Variants in NLRP5 observed in about 807,000 individuals in gnomAD.
The protein encoded by NLRP5 is NACHT, LRR and PYD domains-containing protein 5.
NLRP5 carries 93 observed loss-of-function variants against 113.1 expected under a neutral mutation model. The observed-to-expected ratio is 0.82, with a 90% CI of 0.70 to 0.98. The LOEUF is 0.98. Ranked by LOEUF, NLRP5 falls within the 50% of genes least tolerant of loss-of-function variation. The pLI is 0.00. For synonymous variants in NLRP5, 751 were observed against 600.7 expected, an observed-to-expected ratio of 1.25 and a Z score of -3.66; for missense variants, 1,808 against 1,514.3, an observed-to-expected ratio of 1.19 and a Z score of -3.22.
At chr19:56,055,737 G>T (rs1054778092) in intron 13 of NLRP5, among the ~76,000 whole-genome samples, 4 of 151,020 alleles carry the variant, frequency 2.6e-5, no homozygotes, top group Non-Finnish European at 5.9e-5. Flanking sequence ...AGTAGAGACG[G>T]GGTTTCACCG....
chr19:56,029,289 CAG>C (rs551901977), intron 7 of NLRP5, among the ~76,000 whole-genome samples: 47 of 152,016 alleles, frequency 3.1e-4, no homozygotes, highest in Non-Finnish European at 5.0e-4. Context: ...TTTTTTGAGA[CAG>C]AGTCTCACTG....
chr19:56,050,533 G>A lies in NLRP5; in HGVS notation c.3073G>A (p.Val1025Met), dbSNP rs373064581. 35 of 1,613,854 alleles carry A rather than the reference G, an allele frequency of 2.2e-5. No individual in the cohort carries two copies. The highest frequency in any genetic ancestry group is 5.5e-5 in the South Asian group (5 of 91,080). Residue 1025 changes from valine to methionine, a missense_variant, in exon 12 of 15, where the codon GTG becomes ATG. Physicochemically the swap from Val to Met is conservative, Grantham distance 21 (BLOSUM62 1). Transcript: ENST00000390649. ...CATGAACCCTGTGGAAGACAATGGCGTGAAGCTTCTGTGCGAGGTCATGAG... is the reference window on the plus strand; with the variant it reads ...CATGAACCCTGTGGAAGACAATGGCATGAAGCTTCTGTGCGAGGTCATGAG...
rs553381250 is a variant in NLRP5 at position 56,026,984 on chromosome 19, C to T, written c.751C>T (p.Arg251Cys). The change falls in exon 7 of 15, where the codon CGT becomes TGT. Residue 251 changes from arginine (R) to cysteine (C), a missense_variant. Coordinates refer to ENST00000390649, the MANE Select transcript of NLRP5 (RefSeq NM_153447.4). ...ATTCGCTGAGGAGGAGGATGTACGT[C>T]GTAGTTTTGAAAACACTGCTGCTGA... is the stretch of plus-strand genomic sequence containing the variant. The T allele has an allele frequency of 6.8e-5, 105 of 1,551,732 alleles. No homozygotes were observed. Among genetic ancestry groups the T allele is most frequent in the South Asian group, 6.2e-4 (52 of 84,058 alleles).
At chr19:56,007,680 A>G (rs1037488326) in intron 2 of NLRP5, among the ~76,000 whole-genome samples, 5 of 151,340 alleles carry the variant, frequency 3.3e-5, no homozygotes, top group African/African-American at 4.9e-5. Context: ...GGTAATAGAA[A>G]TCATCAAACT....
At chr19:56,049,316 A>AT (rs1373493346) in intron 11 of NLRP5, among the ~76,000 whole-genome samples, 1 of 151,948 alleles carries the variant, frequency 6.6e-6, no homozygotes, top group African/African-American at 2.4e-5. Flanking sequence ...AGCAGCTGGG[A>AT]TTACAGGCAT....
At chr19:56,023,349 G>T (rs1004533101) in intron 6 of NLRP5, among the ~76,000 whole-genome samples, 2 of 152,164 alleles carry the variant, frequency 1.3e-5, no homozygotes, top group African/African-American at 4.8e-5. Context: ...CTTAAGGTGT[G>T]CTTCCCGTGG....
At chr19:56,003,606 C>A in intron 1 of NLRP5, 130 bp from the exon 2 acceptor site, 1 of 1,109,156 alleles carries the variant, frequency 9.0e-7, no homozygotes, top group Non-Finnish European at 1.3e-6. Context: ...GATATTGTGG[C>A]AACAAATGCT....
chr19:56,032,797 C>T lies in NLRP5; in HGVS notation c.2447+16C>T, dbSNP rs1983173176. On this transcript the variant is annotated intron_variant, in intron 8 of 14. Transcript: ENST00000390649. The stretch of plus-strand genomic sequence containing the variant: ...AGACCCTGATGTAAGGCTGCCCGCC[C>T]CCTACGAGAGAATCCCTTCCCATGA... The T allele has an allele frequency of 2.5e-6, 4 of 1,591,970 alleles. No individual in the cohort carries two copies. Among genetic ancestry groups the T allele is most frequent in the African/African-American group, 2.7e-5 (2 of 74,636 alleles).
At chr19:55,993,853 TTG>T in the NLRP5 span, among the ~76,000 whole-genome samples, 459 of 151,558 alleles carry the variant, frequency 3.0e-3, 2 homozygotes, top group African/African-American at 0.011. Context: ...ACATGTTCCC[TTG>T]TGTGTGTATA....
rs1193158622 is a variant in NLRP5 at position 56,003,905 on chromosome 19, AAAG to A, written c.258_260del (p.Lys87del). Reference sequence around the variant, plus strand: ...AATTTCAGACATTCAAGGAATTACTAAAGAAGAAATCTTCAGAATCGACCACAT... The same window carrying A: ...AATTTCAGACATTCAAGGAATTACTAAAGAAATCTTCAGAATCGACCACAT... On this transcript the variant is annotated inframe_deletion, in exon 2 of 15. Transcript: ENST00000390649. 8 of 1,613,922 alleles carry A rather than the reference AAAG, an allele frequency of 5.0e-6. No individual in the cohort carries two copies. Among genetic ancestry groups the A allele is most frequent in the Non-Finnish European group, 6.8e-6 (8 of 1,179,900 alleles).
chr19:56,009,615 T>C (rs17608522), intron 3 of NLRP5, among the ~76,000 whole-genome samples: 53,823 of 151,966 alleles, frequency 0.35, 9,846 homozygotes, highest in Non-Finnish European at 0.4. Flanking sequence ...AATTCACACA[T>C]TGTGGGACAG....
At chr19:56,045,983 C>T (rs1983708549) in intron 11 of NLRP5, among the ~76,000 whole-genome samples, 1 of 152,166 alleles carries the variant, frequency 6.6e-6, no homozygotes, top group African/African-American at 2.4e-5. Flanking sequence ...CAGAGGTCAC[C>T]ATGGCTTGAC....
rs1982530609 is a variant in NLRP5 at position 56,019,404 on chromosome 19, G to A, written c.622+6G>A. ...AGCAGAGACAGAAGAACAAGGTGAGGAAAATAGATGTATTCCTTGGTTGCC... is the reference window on the plus strand; with the variant it reads ...AGCAGAGACAGAAGAACAAGGTGAGAAAAATAGATGTATTCCTTGGTTGCC... On this transcript the variant is annotated splice_donor_region_variant and intron_variant, in intron 5 of 14. Coordinates refer to ENST00000390649, the MANE Select transcript of NLRP5 (RefSeq NM_153447.4). 2 of 1,613,340 alleles carry A rather than the reference G, an allele frequency of 1.2e-6. No individual in the cohort carries two copies. Among genetic ancestry groups the A allele is most frequent in the African/African-American group, 2.7e-5 (2 of 74,902 alleles).
chr19:56,036,130 C>G (rs755285840), intron 9 of NLRP5, among the ~76,000 whole-genome samples: 1 of 129,420 alleles, frequency 7.7e-6, no homozygotes, highest in African/African-American at 3.0e-5. Flanking sequence ...GTGGTGCAAT[C>G]TCGGCTCATT....
intron 13 of NLRP5, among the ~76,000 whole-genome samples, chr19:56,057,905 T>C (rs1984214400): frequency 1.3e-5 from 2 of 151,620 alleles, no homozygotes; most frequent in African/African-American, 4.9e-5. Flanking sequence ...CACGTGCCCA[T>C]AATCCCAGCT....
At chr19:56,043,097 C>G (rs539295668) in intron 11 of NLRP5, among the ~76,000 whole-genome samples, 2 of 152,180 alleles carry the variant, frequency 1.3e-5, no homozygotes, top group South Asian at 4.1e-4. Context: ...CGAATATTGA[C>G]TACTTTTTCT....
In NLRP5 at chr19:56,050,606, G is replaced by A. The variant is rs115976230; in HGVS notation, c.3128+18G>A. The A allele has an allele frequency of 7.7e-4, 1,244 of 1,610,420 alleles. 9 individuals carry two copies. The African/African-American group carries it at 0.014, about 18-fold the overall frequency. ...GACCTGGAGTGAGTTTCCCATGGGCGTTGGGTCAACTCTATCATACTGGGG... is the reference window on the plus strand; with the variant it reads ...GACCTGGAGTGAGTTTCCCATGGGCATTGGGTCAACTCTATCATACTGGGG... On this transcript the variant is annotated intron_variant, in intron 12 of 14. Transcript: ENST00000390649.
chr19:56,061,448 C>T lies in NLRP5; in HGVS notation c.3523C>T (p.Gln1175Ter). 1.2e-6 allele frequency: 2 copies of T among 1,613,990 alleles called. No individual in the cohort carries two copies. Among genetic ancestry groups the T allele is most frequent in the Non-Finnish European group, 8.5e-7 (1 of 1,179,858 alleles). The change falls in exon 15 of 15, where the codon CAG becomes TAG. Residue 1175 changes from glutamine to a stop codon, truncating the protein, a stop_gained. Transcript: ENST00000390649. LOFTEE classifies it low-confidence loss of function (END_TRUNC). The stretch of plus-strand genomic sequence containing the variant: ...AATAAGGAAGCTGCTGGAGGAAGTG[C>T]AGCTACTCAAGCCCCGAGTCGTAAT...
intron 9 of NLRP5, among the ~76,000 whole-genome samples, chr19:56,035,577 A>T (rs1280287354): frequency 2.0e-5 from 3 of 152,232 alleles, no homozygotes; most frequent in African/African-American, 4.8e-5. Context: ...GGGGCCAAGG[A>T]AGGAAAAAGC....
Sources: gnomAD v4.1 joint callset for allele counts (sites outside exome capture counted in the v4.1 genomes callset) on GRCh38, gnomAD v4.1.1 for gene constraint, MANE v1.5 for transcripts, NCBI Gene and HGNC (gene_info 2026-07-23, HGNC 2026-07-21) for gene names.